CRPPA: variants seen among roughly 807,000 people sequenced by gnomAD.
The protein encoded by CRPPA is CDP-L-ribitol pyrophosphorylase A, also known as D-ribitol-5-phosphate cytidylyltransferase.
In CRPPA, 43 loss-of-function variants were observed where a neutral mutation model predicts 52.0. That is an observed-to-expected ratio of 0.83 (90% confidence interval 0.65 to 1.07). The LOEUF is 1.07. Ranked by LOEUF, CRPPA falls within the 50% of genes least tolerant of loss-of-function variation. CRPPA has a pLI of 0.00. For missense variants in CRPPA, 629 were observed against 551.7 expected, an observed-to-expected ratio of 1.14 and a Z score of -1.40; for synonymous variants, 250 against 203.5, an observed-to-expected ratio of 1.23 and a Z score of -1.94.
chr7:16,205,696 C>T (rs548484141), intron 9 of CRPPA, among the ~76,000 whole-genome samples: 1 of 151,998 alleles, frequency 6.6e-6, no homozygotes, highest in South Asian at 2.1e-4. Flanking sequence ...TAGATTTGAG[C>T]AACTTCTTAT....
At chr7:16,323,914 T>A (rs1201665429) in intron 3 of CRPPA, among the ~76,000 whole-genome samples, 1 of 152,116 alleles carries the variant, frequency 6.6e-6, no homozygotes, top group Non-Finnish European at 1.5e-5. Context: ...AGCACCTACA[T>A]ACGTGGTAAA....
chr7:16,278,402 C>T (rs1035785237), intron 5 of CRPPA, among the ~76,000 whole-genome samples, 176 bp from the exon 6 acceptor site: 4 of 152,166 alleles, frequency 2.6e-5, no homozygotes, highest in African/African-American at 4.8e-5. Context: ...ATTCAGTTTA[C>T]TACCCAAGTC....
chr7:16,177,756 T>G (rs1392985271), intron 9 of CRPPA, among the ~76,000 whole-genome samples: 2 of 152,138 alleles, frequency 1.3e-5, no homozygotes, highest in Non-Finnish European at 2.9e-5. Context: ...CCAGTTTTCT[T>G]TTTAAACGGA....
chr7:16,324,847 T>A (rs1339292597), intron 3 of CRPPA, among the ~76,000 whole-genome samples: 6 of 152,122 alleles, frequency 3.9e-5, no homozygotes, highest in Non-Finnish European at 8.8e-5. Context: ...GAACATCAAA[T>A]GAGATAATGT....
intron 9 of CRPPA, among the ~76,000 whole-genome samples, chr7:16,149,668 G>A (rs1783037661): frequency 6.6e-6 from 1 of 152,140 alleles, no homozygotes; most frequent in African/African-American, 2.4e-5. Context: ...TTACAGTTAA[G>A]TTCTAATTAC....
At chr7:16,164,004 T>C (rs1780987085) in intron 9 of CRPPA, among the ~76,000 whole-genome samples, 1 of 152,128 alleles carries the variant, frequency 6.6e-6, no homozygotes, top group Non-Finnish European at 1.5e-5. Context: ...GTTGCTCTTC[T>C]AGAGTATCTT....
chr7:16,108,941 A>G (rs1392204176), intron 9 of CRPPA, among the ~76,000 whole-genome samples: 1 of 151,904 alleles, frequency 6.6e-6, no homozygotes, highest in African/African-American at 2.4e-5. Flanking sequence ...AGGCCTTAGG[A>G]GAAAGTTTGT....
At chr7:16,122,909 C>T (rs1187911598) in intron 9 of CRPPA, among the ~76,000 whole-genome samples, 1 of 151,816 alleles carries the variant, frequency 6.6e-6, no homozygotes, top group African/African-American at 2.4e-5. Context: ...CTTTGTACAC[C>T]CCTTTATAGC....
intron 9 of CRPPA, among the ~76,000 whole-genome samples, chr7:16,140,411 G>A (rs1422138353): frequency 2.0e-5 from 3 of 151,988 alleles, no homozygotes; most frequent in East Asian, 3.9e-4. Context: ...GCAATCCACT[G>A]GCCTTGGCCT....
At chr7:16,212,515 T>C (rs1782177890) in intron 9 of CRPPA, among the ~76,000 whole-genome samples, 1 of 152,108 alleles carries the variant, frequency 6.6e-6, no homozygotes, top group Non-Finnish European at 1.5e-5. Context: ...CTCTCTGAAC[T>C]CTACTAAAAT....
intron 9 of CRPPA, among the ~76,000 whole-genome samples, chr7:16,198,724 A>AT (rs11415283): frequency 0.3 from 41,762 of 140,904 alleles, 6,532 homozygotes; most frequent in South Asian, 0.47. Context: ...CTTGCGCAGC[A>AT]TTTTTTTTTT....
At chr7:16,362,123 G>C (rs1274084976) in intron 3 of CRPPA, among the ~76,000 whole-genome samples, 1 of 152,162 alleles carries the variant, frequency 6.6e-6, no homozygotes, top group Non-Finnish European at 1.5e-5. Context: ...CAAAGTGCTG[G>C]GATTACAGGC....
chr7:16,313,530 C>T (rs936802806), intron 3 of CRPPA, among the ~76,000 whole-genome samples: 1 of 151,932 alleles, frequency 6.6e-6, no homozygotes, highest in Admixed American at 6.6e-5. Flanking sequence ...TTCCTATTAT[C>T]AATTTCATCT....
At chr7:16,294,969 G>A (rs914964389) in intron 5 of CRPPA, among the ~76,000 whole-genome samples, 23 of 152,080 alleles carry the variant, frequency 1.5e-4, no homozygotes, top group African/African-American at 4.3e-4. Context: ...TTAAAGGATC[G>A]CTAAGAAATC....
At chr7:16,374,928 T>A (rs1786843390) in intron 3 of CRPPA, among the ~76,000 whole-genome samples, 2 of 152,258 alleles carry the variant, frequency 1.3e-5, no homozygotes, top group South Asian at 4.1e-4. Context: ...TTAGATCAAT[T>A]CCAACAAGAT....
chr7:16,214,520 C>T (rs74768202), intron 9 of CRPPA, among the ~76,000 whole-genome samples: 3,636 of 151,848 alleles, frequency 0.024, 145 homozygotes, highest in African/African-American at 0.083. Flanking sequence ...TTTTTTGAGA[C>T]AGGGCCTCAC....
intron 9 of CRPPA, among the ~76,000 whole-genome samples, chr7:16,198,363 A>G (rs13311519): frequency 0.18 from 11,598 of 63,212 alleles, 1,166 homozygotes; most frequent in South Asian, 0.34. Context: ...AGATGTTTAT[A>G]TGTATGCATA....
At chr7:16,413,036 T>G (rs760499990) in intron 1 of CRPPA, among the ~76,000 whole-genome samples, 23 of 152,180 alleles carry the variant, frequency 1.5e-4, no homozygotes, top group Non-Finnish European at 3.1e-4. Flanking sequence ...AGCCCTCTCA[T>G]CTAGTCTGCA....
At chr7:16,400,095 G>A (rs779934528) in intron 2 of CRPPA, among the ~76,000 whole-genome samples, 8 of 152,048 alleles carry the variant, frequency 5.3e-5, no homozygotes, top group African/African-American at 1.7e-4. Flanking sequence ...TGACTGTCAC[G>A]TGACTGGAGT....
Sources: gnomAD v4.1 joint callset for allele counts (sites outside exome capture counted in the v4.1 genomes callset) on GRCh38, gnomAD v4.1.1 for gene constraint, MANE v1.5 for transcripts, NCBI Gene and HGNC (gene_info 2026-07-23, HGNC 2026-07-21) for gene names.